Variants in DNAH3 observed in about 807,000 individuals in gnomAD.
DNAH3 encodes the protein axonemal beta dynein heavy chain 3.
In DNAH3, 332 loss-of-function variants were observed where a neutral mutation model predicts 432.5. That is an observed-to-expected ratio of 0.77 (90% CI 0.70 to 0.84). The LOEUF is 0.84. Among genes scored for constraint, DNAH3 ranks in the 40% least tolerant of loss-of-function variants. The pLI, the probability that DNAH3 is intolerant of heterozygous loss-of-function variation, is 0.00. For synonymous variants in DNAH3, 1,956 were observed against 1,900.2 expected (o/e 1.03, Z -0.76); for missense variants, 4,861 against 5,114.0 (o/e 0.95, Z 1.51).
At chr16:20,957,166 G>A (rs2084601033) in intron 54 of DNAH3, among the ~76,000 whole-genome samples, 1 of 152,196 alleles carries the variant, frequency 6.6e-6, no homozygotes, top group Admixed American at 6.5e-5. Context: ...AGACGACTGA[G>A]ATGAAAATAA....
At chr16:21,064,619 T>C (rs1455628061) in intron 24 of DNAH3, among the ~76,000 whole-genome samples, 1 of 152,148 alleles carries the variant, frequency 6.6e-6, no homozygotes, top group African/African-American at 2.4e-5. Flanking sequence ...CAAGTGAAAT[T>C]CAAATGGGTG....
intron 18 of DNAH3, among the ~76,000 whole-genome samples, chr16:21,093,348 T>G (rs894466554): frequency 6.6e-6 from 1 of 152,156 alleles, no homozygotes; most frequent in African/African-American, 2.4e-5. Flanking sequence ...AAGGAAATAT[T>G]TATGTATAAA....
intron 37 of DNAH3, among the ~76,000 whole-genome samples, chr16:21,028,288 C>T (rs2152720903): frequency 6.6e-6 from 1 of 152,246 alleles, no homozygotes; most frequent in Admixed American, 6.5e-5. Flanking sequence ...AAGCAATCCT[C>T]CTGTCTCTGC....
At chr16:21,144,596 T>C (rs1231098120) in intron 3 of DNAH3, among the ~76,000 whole-genome samples, 1 of 152,170 alleles carries the variant, frequency 6.6e-6, no homozygotes, top group African/African-American at 2.4e-5. Context: ...CCCACTGAAA[T>C]TGTAAGATAA....
intron 4 of DNAH3, among the ~76,000 whole-genome samples, 162 bp downstream of exon 5, chr16:21,141,138 C>CA (rs1334143306): frequency 8.9e-4 from 132 of 147,518 alleles, no homozygotes; most frequent in African/African-American, 2.9e-3. Flanking sequence ...GACTCCATCT[C>CA]AAAAAAAAAA....
chr16:21,049,785 T>A, intron 30 of DNAH3, 103 bp from the exon 31 acceptor site: 1 of 1,347,672 alleles, frequency 7.4e-7, no homozygotes, highest in Non-Finnish European at 1.1e-6. Context: ...CTTGCTCTGC[T>A]TGAAGGAGCT....
chr16:21,131,423 GAAGAA>G (rs1302735176), intron 7 of DNAH3, among the ~76,000 whole-genome samples: 1 of 145,216 alleles, frequency 6.9e-6, no homozygotes, highest in Admixed American at 7.2e-5. Flanking sequence ...GAGAAAGAAA[GAAGAA>G]AAGAAAGGAA....
At chr16:21,112,565 G>A (rs2092101206) in intron 12 of DNAH3, among the ~76,000 whole-genome samples, 1 of 152,170 alleles carries the variant, frequency 6.6e-6, no homozygotes, top group Non-Finnish European at 1.5e-5. Context: ...TCACTATCAT[G>A]AGAATAGCAC....
intron 43 of DNAH3, among the ~76,000 whole-genome samples, chr16:20,998,533 G>T (rs1007462603): frequency 6.6e-6 from 1 of 151,700 alleles, no homozygotes; most frequent in Non-Finnish European, 1.5e-5. Flanking sequence ...GATTACAGGC[G>T]TGAGCCACCA....
intron 15 of DNAH3, among the ~76,000 whole-genome samples, chr16:21,105,951 G>A (rs921560700): frequency 1.3e-5 from 2 of 151,800 alleles, no homozygotes; most frequent in South Asian, 2.1e-4. Flanking sequence ...GGAGGCTGAG[G>A]CGGGCGGATC....
At chr16:20,986,973 G>A (rs113501649) in intron 47 of DNAH3, among the ~76,000 whole-genome samples, 1 of 152,132 alleles carries the variant, frequency 6.6e-6, no homozygotes, top group African/African-American at 2.4e-5. Context: ...GTCAAATCAT[G>A]ACAATGTACA....
At chr16:21,042,844 CCA>C (rs1251268207) in intron 31 of DNAH3, among the ~76,000 whole-genome samples, 2 of 152,140 alleles carry the variant, frequency 1.3e-5, no homozygotes, top group African/African-American at 4.8e-5. Context: ...ACAACGGTCC[CCA>C]GAGTGTGATA....
intron 55 of DNAH3, among the ~76,000 whole-genome samples, chr16:20,953,903 C>A (rs1269007528): frequency 2.6e-5 from 4 of 152,210 alleles, no homozygotes; most frequent in Non-Finnish European, 5.9e-5. Context: ...CACCATTGTG[C>A]CTGGCATGAC....
At chr16:21,063,980 A>G (rs2090453130) in intron 24 of DNAH3, among the ~76,000 whole-genome samples, 1 of 152,200 alleles carries the variant, frequency 6.6e-6, no homozygotes, top group Non-Finnish European at 1.5e-5. Context: ...TCTATGATGG[A>G]GGGATTGTGT....
At chr16:21,064,440 A>C (rs940623237) in intron 24 of DNAH3, among the ~76,000 whole-genome samples, 1 of 152,220 alleles carries the variant, frequency 6.6e-6, no homozygotes, top group Non-Finnish European at 1.5e-5. Context: ...TAAACTGATC[A>C]TGTGAAACAT....
At chr16:21,008,789 T>A (rs1480218449) in intron 41 of DNAH3, among the ~76,000 whole-genome samples, 1 of 152,148 alleles carries the variant, frequency 6.6e-6, no homozygotes, top group Non-Finnish European at 1.5e-5. Flanking sequence ...AGGTTCTGAG[T>A]TGGGAGATAC....
intron 18 of DNAH3, among the ~76,000 whole-genome samples, chr16:21,096,363 C>G (rs979908566): frequency 6.6e-6 from 1 of 151,980 alleles, no homozygotes. Context: ...AACTCCTGGG[C>G]TCATGCAATC....
chr16:20,978,167 G>C (rs1461475271), intron 50 of DNAH3, among the ~76,000 whole-genome samples: 1 of 152,194 alleles, frequency 6.6e-6, no homozygotes, highest in African/African-American at 2.4e-5. Flanking sequence ...CACTGTGTCA[G>C]CTTACTTCAT....
intron 51 of DNAH3, among the ~76,000 whole-genome samples, chr16:20,973,254 CTTTTT>C (rs374055192): frequency 6.7e-6 from 1 of 149,512 alleles, no homozygotes; most frequent in Non-Finnish European, 1.5e-5. Context: ...GTCTGTCATT[CTTTTT>C]TTTTTCTTTT....
Sources: gnomAD v4.1 joint callset for allele counts (sites outside exome capture counted in the v4.1 genomes callset) on GRCh38, gnomAD v4.1.1 for gene constraint, MANE v1.5 for transcripts, NCBI Gene and HGNC (gene_info 2026-07-23, HGNC 2026-07-21) for gene names.